FAM53A: variants seen among roughly 807,000 people sequenced by gnomAD.
FAM53A encodes protein FAM53A.
A neutral mutation model predicts 26.6 loss-of-function variants in FAM53A; 28 were observed. The observed-to-expected ratio is 1.05, with a 90% CI of 0.78 to 1.45. The LOEUF (loss-of-function observed/expected upper bound fraction) is 1.45. Ranked by LOEUF, FAM53A falls within the 40% of genes most tolerant of loss-of-function variation. The pLI is 0.00. For synonymous variants in FAM53A, 290 were observed against 253.1 expected (o/e 1.15, Z -1.38); for missense variants, 650 against 575.8 (o/e 1.13, Z -1.32).
At chr4:1,596,667 G>A in the FAM53A span, among the ~76,000 whole-genome samples, 6,888 of 152,292 alleles carry the variant, frequency 0.045, 510 homozygotes, top group African/African-American at 0.15. Flanking sequence ...TCCGCCCGCC[G>A]CGGGCTGCTG....
chr4:1,600,322 G>T, the FAM53A span, among the ~76,000 whole-genome samples: 1 of 152,040 alleles, frequency 6.6e-6, no homozygotes, highest in Non-Finnish European at 1.5e-5. Flanking sequence ...GGAGCCTCAG[G>T]GTGCCCCTCA....
At chr4:1,621,148 G>C (rs1447262632) in intron 1 of FAM53A, among the ~76,000 whole-genome samples, 1 of 135,378 alleles carries the variant, frequency 7.4e-6, no homozygotes, top group Non-Finnish European at 1.5e-5. Context: ...TGTCACCCAG[G>C]CTGGAGTGCA....
chr4:1,680,606 T>C (rs980528001), intron 1 of FAM53A, among the ~76,000 whole-genome samples: 1 of 152,146 alleles, frequency 6.6e-6, no homozygotes, highest in African/African-American at 2.4e-5. Context: ...TAAAGTGTGG[T>C]ACATCCAGAC....
rs76196879 is a variant in FAM53A, at chr4:1,676,450, G to T, written c.-164-7545C>A. Among the ~76,000 whole-genome samples, 749 of 152,234 alleles carry T rather than the reference G, an allele frequency of 4.9e-3. 5 individuals are homozygous for T. The highest frequency in any genetic ancestry group is 0.017 in the African/African-American group (715 of 41,538). The stretch of plus-strand genomic sequence containing the variant: ...AGTGCACATTCTGAAGTACTGGGGG[G>T]GGTCAGGACTTCAACATGTGACTGT... On this transcript the variant is annotated intron_variant, in intron 1 of 4. Transcript: ENST00000308132.
chr4:1,654,582 TC>T (rs1713151143), intron 4 of FAM53A, among the ~76,000 whole-genome samples: 1 of 152,132 alleles, frequency 6.6e-6, no homozygotes. Context: ...CGAATGGGGC[TC>T]CCAGGACAGC....
At chr4:1,610,591 G>A in the FAM53A span, among the ~76,000 whole-genome samples, 1 of 151,996 alleles carries the variant, frequency 6.6e-6, no homozygotes. Context: ...GTGGCCTGGG[G>A]TGGAGAGACT....
At chr4:1,658,667 T>C (rs1713597011) in intron 2 of FAM53A, among the ~76,000 whole-genome samples, 1 of 152,234 alleles carries the variant, frequency 6.6e-6, no homozygotes, top group South Asian at 2.1e-4. Flanking sequence ...CTCTCTTCCC[T>C]ACCCCATGAA....
Position 1,643,234 on chromosome 4 carries a change from G to C in FAM53A, c.883-1627C>G, listed in dbSNP as rs543517243. ...GTAATCCCAGCACTTTGGGAGGCCG[G>C]GGCGGGCGGATCACGAGGTCAGGAG... On this transcript the variant is annotated intron_variant, in intron 4 of 4. Coordinates refer to ENST00000308132, the MANE Select transcript of FAM53A (RefSeq NM_001174070.3). 1.3e-4 allele frequency among the ~76,000 whole-genome samples: 20 copies of C among 152,180 alleles called. No homozygotes were observed. The East Asian group carries it at 3.7e-3, about 28-fold the overall frequency.
chr4:1,636,648 C>T (rs1715852412), downstream of FAM53A, among the ~76,000 whole-genome samples: 1 of 152,250 alleles, frequency 6.6e-6, no homozygotes, highest in South Asian at 2.1e-4. Context: ...CCCATGCCCT[C>T]ACCTCCTGAG....
At position 1,641,493 on chromosome 4, in the gene FAM53A, T is replaced by C. The variant is rs1289462508; in HGVS notation, c.997A>G (p.Ile333Val). 1 of 1,614,186 alleles carries C rather than the reference T, an allele frequency of 6.2e-7. No individual in the cohort carries two copies. The highest frequency in any genetic ancestry group is 2.2e-5 in the East Asian group (1 of 44,890). ...SPCDSRGLPGITMPGCSQRGL... is the reference protein window; with the variant it reads ...SPCDSRGLPGVTMPGCSQRGL... The stretch of plus-strand genomic sequence containing the variant: ...CTCTGGCTGCAGCCAGGCATGGTGA[T>C]GCCAGGGAGGCCCCGGGAGTCACAT... The change falls in exon 5 of 5, where the codon ATC becomes GTC. Residue 333 changes from isoleucine to valine, a missense_variant. Transcript: ENST00000308132.
intron 1 of FAM53A, among the ~76,000 whole-genome samples, chr4:1,681,857 A>G (rs924368018): frequency 7.2e-5 from 11 of 152,190 alleles, no homozygotes; most frequent in Non-Finnish European, 1.0e-4. Flanking sequence ...CACTGGTGAG[A>G]ACAGGCTGCA....
intron 1 of FAM53A, among the ~76,000 whole-genome samples, chr4:1,670,713 G>A (rs1015075789): frequency 3.3e-5 from 5 of 152,318 alleles, no homozygotes; most frequent in Admixed American, 1.3e-4. Flanking sequence ...GGGCCCACTT[G>A]TGATGCTTCA....
intron 1 of FAM53A, among the ~76,000 whole-genome samples, chr4:1,621,793 T>C (rs1042335572): frequency 6.6e-6 from 1 of 152,180 alleles, no homozygotes; most frequent in Non-Finnish European, 1.5e-5. Context: ...GCCCGTGCCG[T>C]CCCTGGCACC....
Position 1,676,302 on chromosome 4 carries a change from G to A in FAM53A, c.-164-7397C>T, listed in dbSNP as rs369438553. On this transcript the variant is annotated intron_variant, in intron 1 of 4. Transcript: ENST00000308132. The stretch of plus-strand genomic sequence containing the variant: ...AGTCTTCCCACCGCATTCTCCCTGC[G>A]TGTGCCTGTGTGCAAGTCTCCCCAT... 2.4e-4 allele frequency among the ~76,000 whole-genome samples: 37 copies of A among 152,284 alleles called. 2 individuals are homozygous for A. In the East Asian group the frequency reaches 4.6e-3, roughly 19 times the overall value.
At chr4:1,661,894 T>C (rs1713863252) in intron 2 of FAM53A, among the ~76,000 whole-genome samples, 1 of 152,052 alleles carries the variant, frequency 6.6e-6, no homozygotes, top group African/African-American at 2.4e-5. Flanking sequence ...CACCTCTTGG[T>C]GGCGCAGAGG....
intron 4 of FAM53A, chr4:1,644,133 C>T: frequency 6.6e-7 from 1 of 1,513,932 alleles, no homozygotes. Flanking sequence ...GCCTCCAATC[C>T]ACAGCACCAC....
chr4:1,662,738 T>G (rs561138758), intron 2 of FAM53A, among the ~76,000 whole-genome samples: 2 of 151,848 alleles, frequency 1.3e-5, no homozygotes, highest in South Asian at 2.1e-4. Context: ...TCATTAGATA[T>G]TTCTCAAAAG....
At chr4:1,651,279 C>T (rs1183382038) in intron 4 of FAM53A, among the ~76,000 whole-genome samples, 1 of 151,068 alleles carries the variant, frequency 6.6e-6, no homozygotes, top group African/African-American at 2.4e-5. Flanking sequence ...CATCTGTAAT[C>T]CCAGCAATTT....
chr4:1,637,018 G>C (rs1450010371), downstream of FAM53A, among the ~76,000 whole-genome samples: 5 of 152,196 alleles, frequency 3.3e-5, no homozygotes, highest in Admixed American at 3.3e-4. Flanking sequence ...CGAGAACAAG[G>C]AGCTCCCGCT....
Sources: gnomAD v4.1 joint callset for allele counts (sites outside exome capture counted in the v4.1 genomes callset) on GRCh38, gnomAD v4.1.1 for gene constraint, MANE v1.5 for transcripts, NCBI Gene and HGNC (gene_info 2026-07-23, HGNC 2026-07-21) for gene names.